The following TEX10 variants were observed in gnomAD, a reference collection of about 807,000 sequenced individuals.
The protein encoded by TEX10 is testis-expressed protein 10.
A neutral mutation model predicts 104.4 loss-of-function variants in TEX10; 24 were observed. The observed-to-expected ratio is 0.23, with a 90% CI of 0.17 to 0.32. The LOEUF is 0.32. Among genes scored for constraint, TEX10 ranks in the 10% least tolerant of loss-of-function variants. The pLI is 1.00. For synonymous variants in TEX10, 396 were observed against 393.4 expected (o/e 1.01, Z -0.08); for missense variants, 921 against 1,083.9 (o/e 0.85, Z 2.11).
At chr9:100,330,219 G>C (rs750902532) in intron 5 of TEX10, 50 bp from the exon 6 acceptor site, 1 of 1,279,856 alleles carries the variant, frequency 7.8e-7, no homozygotes, top group South Asian at 1.4e-5. Context: ...TACCATGCCT[G>C]CTTCATTAGA....
intron 10 of TEX10, 129 bp from the exon 11 acceptor site, chr9:100,320,527 T>G: frequency 9.9e-7 from 1 of 1,014,190 alleles, no homozygotes; most frequent in African/African-American, 1.6e-5. Context: ...TCTCTGAGCT[T>G]CTGCATTTCA....
chr9:100,321,708 G>A lies in TEX10; in HGVS notation c.2043C>T (p.Phe681=). ...CTGTAAGTGTGGAAAATAAGAAGCT[G>A]AAATAGTCTACATCACTCATCAACC... ...KDWLMSDVDY[F]SFLFSTLTGF... is the part of the protein sequence containing the mutation. The change falls in exon 10 of 15, where the codon TTC becomes TTT. Residue 681 remains phenylalanine (F), a synonymous_variant. Coordinates refer to ENST00000374902, the MANE Select transcript of TEX10 (RefSeq NM_017746.4). 4 of 1,612,324 alleles carry A rather than the reference G, an allele frequency of 2.5e-6. No individual in the cohort carries two copies. Among genetic ancestry groups the A allele is most frequent in the Non-Finnish European group, 3.4e-6 (4 of 1,179,568 alleles).
chr9:100,338,220 T>C (rs1835060854), intron 5 of TEX10, among the ~76,000 whole-genome samples: 1 of 152,218 alleles, frequency 6.6e-6, no homozygotes, highest in Non-Finnish European at 1.5e-5. Context: ...CCAGTGTTGA[T>C]CGGCAGCTCT....
intron 8 of TEX10, 118 bp downstream of exon 8, chr9:100,327,669 T>C (rs970489578): frequency 4.9e-6 from 3 of 612,830 alleles, no homozygotes; most frequent in South Asian, 5.6e-5. Context: ...AATTTAACCA[T>C]GGTATTACTA....
chr9:100,334,118 G>A (rs1036999865), intron 5 of TEX10, among the ~76,000 whole-genome samples: 2 of 152,074 alleles, frequency 1.3e-5, no homozygotes, highest in Admixed American at 6.6e-5. Flanking sequence ...TTTTTCAGAA[G>A]CGATGAAAAG....
At position 100,347,233 on chromosome 9, in the gene TEX10, T is replaced by G. The variant is rs1291379679; in HGVS notation, c.354A>C (p.Ala118=). Residue 118 remains alanine (A), a synonymous_variant, in exon 3 of 15, where the codon GCA becomes GCC. Transcript: ENST00000374902. The stretch of plus-strand genomic sequence containing the variant: ...GGGCCAGGAATTGAAGAAGTTGAAC[T>G]GCTGCTAATCGTACATTAGCATCTT... ...TDKDANVRLA[A]VQLLQFLAPK... is the part of the protein sequence containing the mutation. The G allele has an allele frequency of 3.1e-6, 5 of 1,614,040 alleles. No homozygotes were observed. The highest frequency in any genetic ancestry group is 4.2e-6 in the Non-Finnish European group (5 of 1,180,024).
chr9:100,326,550 C>A (rs1834709756), intron 8 of TEX10, 71 bp from the exon 9 acceptor site: 3 of 1,429,536 alleles, frequency 2.1e-6, no homozygotes, highest in Non-Finnish European at 2.8e-6. Flanking sequence ...TAAAGCAGAT[C>A]AATGACTTCC....
intron 7 of TEX10, 57 bp downstream of exon 7, chr9:100,329,083 T>TA (rs1834783149): frequency 8.8e-6 from 13 of 1,480,150 alleles, no homozygotes; most frequent in Admixed American, 2.3e-5. Flanking sequence ...TTTAAATACT[T>TA]AGACTACAGA....
chr9:100,329,029 T>TA (rs1834782375), intron 7 of TEX10, 111 bp downstream of exon 7: 4 of 1,195,046 alleles, frequency 3.3e-6, no homozygotes, highest in Non-Finnish European at 4.6e-6. Context: ...CAAGTAGGAT[T>TA]AAAAAGAATG....
chr9:100,327,782 C>A lies in TEX10; in HGVS notation c.1801+5G>T. On this transcript the variant is annotated splice_donor_5th_base_variant and intron_variant, in intron 8 of 14. Coordinates refer to ENST00000374902, the MANE Select transcript of TEX10 (RefSeq NM_017746.4). Reference sequence around the variant, plus strand: ...ACCCATACCATTAAACAAATGAACTCTTACCATAAATTCGGAGGGCAGTAG... The same window carrying A: ...ACCCATACCATTAAACAAATGAACTATTACCATAAATTCGGAGGGCAGTAG... 6.4e-7 allele frequency: 1 copy of A among 1,560,682 alleles called. No homozygotes were observed. Among genetic ancestry groups the A allele is most frequent in the South Asian group, 1.2e-5 (1 of 81,088 alleles).
chr9:100,309,879 C>T (rs1834230153), intron 12 of TEX10, among the ~76,000 whole-genome samples: 2 of 152,194 alleles, frequency 1.3e-5, no homozygotes, highest in Non-Finnish European at 2.9e-5. Flanking sequence ...GAGTCTACAG[C>T]TGCCAGTGAC....
At chr9:100,331,099 CA>C (rs58950373) in intron 5 of TEX10, among the ~76,000 whole-genome samples, 88,407 of 147,084 alleles carry the variant, frequency 0.6, 27,269 homozygotes, top group East Asian at 0.89. Context: ...CTACTAAATA[CA>C]AAAAAAAAAA....
At chr9:100,302,667 C>T (rs1834022018) in intron 14 of TEX10, among the ~76,000 whole-genome samples, 2 of 152,160 alleles carry the variant, frequency 1.3e-5, no homozygotes. Context: ...TCTACAGGGC[C>T]AACCAACAAT....
chr9:100,348,082 A>C (rs1835346552), intron 2 of TEX10, among the ~76,000 whole-genome samples: 1 of 152,228 alleles, frequency 6.6e-6, no homozygotes, highest in South Asian at 2.1e-4. Context: ...AATACAAAGG[A>C]ATGTACCACT....
At chr9:100,302,975 C>T (rs1179215547) in intron 14 of TEX10, among the ~76,000 whole-genome samples, 1 of 144,332 alleles carries the variant, frequency 6.9e-6, no homozygotes, top group East Asian at 2.5e-4. Flanking sequence ...AACAACAGAG[C>T]TGTCCCGGCC....
In TEX10 at chr9:100,349,521, C is replaced by A. The variant is rs376965909; in HGVS notation, c.-9-149G>T. ...TGAAAGATCAAAATATTAAAAAATG[C>A]TGTTAAGAACTATTAAAAACTCAGT... is the stretch of plus-strand genomic sequence containing the variant. On this transcript the variant is annotated intron_variant, in intron 1 of 14. Transcript: ENST00000374902. The A allele has an allele frequency of 8.9e-6, 5 of 561,296 alleles. No individual in the cohort carries two copies. The South Asian group carries it at 1.7e-4, about 19-fold the overall frequency. The allele number at this position is 561,296 out of a possible 1,614,324, so 34.8% of individuals were successfully genotyped here.
At chr9:100,351,820 T>C (rs758593461) in intron 1 of TEX10, among the ~76,000 whole-genome samples, 67 of 152,254 alleles carry the variant, frequency 4.4e-4, no homozygotes, top group Non-Finnish European at 7.6e-4. Flanking sequence ...AAAGTTCTAC[T>C]AGTAATTGAC....
chr9:100,333,757 A>G (rs1564214384), intron 5 of TEX10, among the ~76,000 whole-genome samples: 1 of 152,182 alleles, frequency 6.6e-6, no homozygotes, highest in Non-Finnish European at 1.5e-5. Flanking sequence ...ATAAGATGGT[A>G]TTGGTGAAAC....
rs778677323 is a variant in TEX10, at chr9:100,326,288, C to G, written c.1979+14G>C. 4.3e-6 allele frequency: 7 copies of G among 1,610,744 alleles called. No homozygotes were observed. Among genetic ancestry groups the G allele is most frequent in the South Asian group, 1.1e-5 (1 of 90,880 alleles). On this transcript the variant is annotated intron_variant, in intron 9 of 14. Transcript: ENST00000374902. ...GATTATACACTTAAAATACAGCTCA[C>G]TTGAGCATGCTACCTCATGTGCAGT...
Sources: gnomAD v4.1 joint callset for allele counts (sites outside exome capture counted in the v4.1 genomes callset) on GRCh38, gnomAD v4.1.1 for gene constraint, MANE v1.5 for transcripts, NCBI Gene and HGNC (gene_info 2026-07-23, HGNC 2026-07-21) for gene names.